Variants in CCSER1 observed in about 807,000 individuals in gnomAD.
CCSER1 encodes the protein serine-rich coiled-coil domain-containing protein 1.
Under a neutral mutation model 82.0 loss-of-function variants are expected in CCSER1, and 41 were observed. The observed-to-expected ratio is 0.50, with a 90% CI of 0.39 to 0.65. CCSER1 has a LOEUF of 0.65. Ranked by LOEUF, CCSER1 falls within the 30% of genes least tolerant of loss-of-function variation. The pLI is 0.00. For missense variants in CCSER1, 1,119 were observed against 1,064.2 expected (o/e 1.05, Z -0.72); for synonymous variants, 414 against 383.9 (o/e 1.08, Z -0.92).
At chr4:91,242,234 C>T (rs11932656) in intron 10 of CCSER1, among the ~76,000 whole-genome samples, 8,687 of 152,006 alleles carry the variant, frequency 0.057, 484 homozygotes, top group African/African-American at 0.14. Context: ...GTAAAGTGGA[C>T]GGTGTGATTG....
chr4:90,962,007 C>T (rs77836283), intron 9 of CCSER1, among the ~76,000 whole-genome samples: 13,415 of 152,016 alleles, frequency 0.088, 844 homozygotes, highest in Middle Eastern at 0.14. Flanking sequence ...TGTTTAAAGT[C>T]CCCCATTGAG....
rs1247530437 is a variant in CCSER1, at chr4:91,601,499, T to TGTAA, written c.*2445_*2448dup. 6.6e-6 allele frequency: 1 copy of TGTAA among 152,066 alleles called. No individual in the cohort carries two copies. The highest frequency in any genetic ancestry group is 2.4e-5 in the African/African-American group (1 of 41,448). The allele number at this position is 152,066 out of a possible 1,614,324, so 9.4% of individuals were successfully genotyped here. A position where few individuals can be genotyped will look rare whatever the true frequency, so the allele number is the denominator to read the frequency against. On this transcript the variant is annotated 3_prime_UTR_variant, in exon 11 of 11. Transcript: ENST00000509176. Reference sequence around the variant, plus strand: ...CAGTAACTGTAAAACAGGGGTTCTTTGTAAGTTCCTCTTGTGTATATATAG... The same window carrying TGTAA: ...CAGTAACTGTAAAACAGGGGTTCTTTGTAAGTAAGTTCCTCTTGTGTATATATAG...
chr4:90,918,272 T>C (rs1342605019), intron 8 of CCSER1: 3 of 454,704 alleles, frequency 6.6e-6, no homozygotes, highest in African/African-American at 6.0e-5. Context: ...ATGTTCCAAG[T>C]TTTTGAAAGT....
intron 10 of CCSER1, among the ~76,000 whole-genome samples, chr4:91,164,097 C>T (rs1403823645): frequency 6.6e-6 from 1 of 152,136 alleles, no homozygotes; most frequent in Non-Finnish European, 1.5e-5. Context: ...TTAGTGCTTC[C>T]TTCAGGAGCT....
chr4:91,127,586 G>A (rs765543469), intron 10 of CCSER1, among the ~76,000 whole-genome samples: 21 of 151,848 alleles, frequency 1.4e-4, no homozygotes, highest in Non-Finnish European at 2.9e-5. Flanking sequence ...TACCTTTTAT[G>A]CTTGTTGCTC....
At chr4:90,130,225 C>G (rs1413511219) in intron 1 of CCSER1, among the ~76,000 whole-genome samples, 1 of 152,158 alleles carries the variant, frequency 6.6e-6, no homozygotes, top group Non-Finnish European at 1.5e-5. Context: ...ACGGGAGATT[C>G]CTTGTTCCCT....
chr4:91,218,235 G>T (rs1034596168), intron 10 of CCSER1, among the ~76,000 whole-genome samples: 1 of 152,198 alleles, frequency 6.6e-6, no homozygotes, highest in Non-Finnish European at 1.5e-5. Flanking sequence ...CATTGCCCGG[G>T]GCCAGAAGGG....
intron 10 of CCSER1, among the ~76,000 whole-genome samples, chr4:91,099,005 G>A (rs1386057493): frequency 1.3e-5 from 2 of 152,164 alleles, no homozygotes; most frequent in East Asian, 3.8e-4. Flanking sequence ...GGAAATTATA[G>A]GAGATAACTA....
At chr4:90,933,008 GAAA>G (rs1730306589) in intron 9 of CCSER1, among the ~76,000 whole-genome samples, 1 of 73,416 alleles carries the variant, frequency 1.4e-5, no homozygotes, top group South Asian at 3.1e-4. Context: ...AAGAAAGAAA[GAAA>G]GAAAGAAAGA....
intron 9 of CCSER1, among the ~76,000 whole-genome samples, chr4:90,995,450 A>G (rs1411465714): frequency 6.6e-6 from 1 of 152,130 alleles, no homozygotes; most frequent in Non-Finnish European, 1.5e-5. Flanking sequence ...AATTTAGCCC[A>G]TAGTAATTAC....
rs183074616 is a variant in CCSER1, at chr4:91,465,031, C to G, written c.2218-133541C>G. Among the ~76,000 whole-genome samples, 29 of 152,308 alleles carry G rather than the reference C, an allele frequency of 1.9e-4. No individual in the cohort carries two copies. The East Asian group carries it at 5.0e-3, about 26-fold the overall frequency. On this transcript the variant is annotated intron_variant, in intron 10 of 10. Transcript: ENST00000509176. ...GAATAGACATCTACAGAACTCTCCACCCCAAATCAACAGAATATACATTTT... is the reference window on the plus strand; with the variant it reads ...GAATAGACATCTACAGAACTCTCCAGCCCAAATCAACAGAATATACATTTT...
rs374086666 is a variant in CCSER1 at position 90,515,795 on chromosome 4, C to T, written c.1724+47441C>T. On this transcript the variant is annotated intron_variant, in intron 5 of 10. Transcript: ENST00000509176. ...GTTAAGGTCACAAATTGTTATATGT[C>T]AGAACTAGGATTCAAACCCTAGGGT... Among the ~76,000 whole-genome samples, 20 of 152,218 alleles carry T rather than the reference C, an allele frequency of 1.3e-4. No homozygotes were observed. In the East Asian group the frequency reaches 3.9e-3, roughly 29 times the overall value.
intron 10 of CCSER1, among the ~76,000 whole-genome samples, chr4:91,350,719 T>A (rs2149299553): frequency 6.6e-6 from 1 of 152,106 alleles, no homozygotes; most frequent in African/African-American, 2.4e-5. Context: ...TTAGGAAAGG[T>A]AAAAAATATT....
chr4:90,563,765 C>T (rs575787652), intron 5 of CCSER1, among the ~76,000 whole-genome samples: 1 of 152,262 alleles, frequency 6.6e-6, no homozygotes, highest in Admixed American at 6.5e-5. Context: ...AATATCTGTT[C>T]AACATATTGG....
At chr4:90,564,225 A>T (rs1461344640) in intron 5 of CCSER1, among the ~76,000 whole-genome samples, 1 of 146,976 alleles carries the variant, frequency 6.8e-6, no homozygotes. Context: ...ATCACAGCTT[A>T]TTGTGATTTC....
At chr4:91,346,736 A>T (rs1481121658) in intron 10 of CCSER1, among the ~76,000 whole-genome samples, 4 of 152,164 alleles carry the variant, frequency 2.6e-5, no homozygotes, top group Non-Finnish European at 5.9e-5. Context: ...ATAGCATACG[A>T]TGTTGAGCAT....
chr4:91,188,137 G>GC (rs1340525822), intron 10 of CCSER1, among the ~76,000 whole-genome samples: 5 of 152,076 alleles, frequency 3.3e-5, no homozygotes, highest in African/African-American at 1.2e-4. Context: ...TTCTTCATCT[G>GC]TAGCTACCAG....
chr4:90,644,219 A>C (rs1579669281), intron 6 of CCSER1, among the ~76,000 whole-genome samples: 1 of 152,252 alleles, frequency 6.6e-6, no homozygotes, highest in Admixed American at 6.5e-5. Context: ...ATGTAATGAG[A>C]TATCTTGGGA....
chr4:91,175,585 A>G (rs1581710130), intron 10 of CCSER1, among the ~76,000 whole-genome samples: 1 of 152,048 alleles, frequency 6.6e-6, no homozygotes, highest in African/African-American at 2.4e-5. Context: ...GATGATGAGC[A>G]TTTTTTCATG....
Sources: gnomAD v4.1 joint callset for allele counts (sites outside exome capture counted in the v4.1 genomes callset) on GRCh38, gnomAD v4.1.1 for gene constraint, MANE v1.5 for transcripts, NCBI Gene and HGNC (gene_info 2026-07-23, HGNC 2026-07-21) for gene names.